NSFL1C: variants seen among roughly 807,000 people sequenced by gnomAD.
The protein encoded by NSFL1C is NSFL1 cofactor, also known as NSFL1 cofactor p47.
NSFL1C carries 14 observed loss-of-function variants against 43.1 expected under a neutral mutation model. The observed-to-expected ratio is 0.32, with a 90% CI of 0.21 to 0.51. The LOEUF (loss-of-function observed/expected upper bound fraction) is 0.51. Ranked by LOEUF, NSFL1C falls within the 20% of genes least tolerant of loss-of-function variation. The pLI, the probability that NSFL1C is intolerant of heterozygous loss-of-function variation, is 0.98. For synonymous variants in NSFL1C, 171 were observed against 183.5 expected (o/e 0.93, Z 0.55); for missense variants, 406 against 472.5 (o/e 0.86, Z 1.30).
At chr20:1,459,038 G>A (rs1157125684) in intron 2 of NSFL1C, among the ~76,000 whole-genome samples, 1 of 152,136 alleles carries the variant, frequency 6.6e-6, no homozygotes, top group Non-Finnish European at 1.5e-5. Context: ...TGTCCTCAAG[G>A]AACAAGCTTA....
intron 2 of NSFL1C, among the ~76,000 whole-genome samples, chr20:1,463,146 T>C (rs2090448398): frequency 6.6e-6 from 1 of 152,188 alleles, no homozygotes; most frequent in South Asian, 2.1e-4. Context: ...ACTGCCTTAA[T>C]AGAACTTTGG....
chr20:1,461,041 A>G (rs1955705087), intron 2 of NSFL1C, among the ~76,000 whole-genome samples: 1 of 152,168 alleles, frequency 6.6e-6, no homozygotes, highest in African/African-American at 2.4e-5. Context: ...TGACCTTTCT[A>G]AGAATTAGCA....
At chr20:1,445,853 G>A (rs749365006) in intron 7 of NSFL1C, 23 bp from the exon 8 acceptor site, 1 of 1,610,864 alleles carries the variant, frequency 6.2e-7, no homozygotes. Flanking sequence ...GATGGCATCA[G>A]AACACAAGCA....
chr20:1,461,866 G>A (rs772644997), intron 2 of NSFL1C, among the ~76,000 whole-genome samples: 1 of 152,158 alleles, frequency 6.6e-6, no homozygotes, highest in African/African-American at 2.4e-5. Context: ...TGCCTCACTC[G>A]TAAATACTCA....
At chr20:1,451,668 T>C (rs1460874620) in intron 7 of NSFL1C, among the ~76,000 whole-genome samples, 1 of 152,210 alleles carries the variant, frequency 6.6e-6, no homozygotes, top group African/African-American at 2.4e-5. Context: ...CCCATGGCCA[T>C]GGCCAAAGCT....
intron 7 of NSFL1C, among the ~76,000 whole-genome samples, chr20:1,450,205 A>G (rs1599944876): frequency 6.6e-6 from 1 of 152,220 alleles, no homozygotes; most frequent in Non-Finnish European, 1.5e-5. Context: ...AAAGTTCAAG[A>G]CTTTTGGCTT....
chr20:1,466,619 C>T (rs2090519106), intron 1 of NSFL1C, 101 bp downstream of exon 1: 17 of 1,133,760 alleles, frequency 1.5e-5, no homozygotes, highest in Non-Finnish European at 2.1e-5. Context: ...CGCGGTAGAG[C>T]GGGGATGACT....
intron 2 of NSFL1C, among the ~76,000 whole-genome samples, chr20:1,462,578 G>C (rs987650894): frequency 6.0e-5 from 9 of 151,214 alleles, no homozygotes; most frequent in African/African-American, 2.2e-4. Context: ...CTGGAGTGCA[G>C]TGGCGCAATC....
chr20:1,466,321 A>T (rs1289982178), intron 1 of NSFL1C, among the ~76,000 whole-genome samples: 1 of 152,166 alleles, frequency 6.6e-6, no homozygotes, highest in Non-Finnish European at 1.5e-5. Flanking sequence ...TGGACTTCGG[A>T]AGTGGAAATG....
intron 1 of NSFL1C, among the ~76,000 whole-genome samples, chr20:1,464,917 A>C (rs924309807): frequency 1.1e-4 from 17 of 152,196 alleles, no homozygotes; most frequent in Admixed American, 2.0e-4. Context: ...TAGTGTGCTT[A>C]GGCCCTCACT....
chr20:1,454,272 C>T lies in NSFL1C; in HGVS notation c.478G>A (p.Ala160Thr). ...FAGGGYRLGA[A>T]PEEESAYVAG... ...ACATAGGCAGACTCTTCCTCTGGTG[C>T]TGCCCCAAGGCGGTAGCCACCTCCT... The change falls in exon 5 of 9, where the codon GCA becomes ACA. Residue 160 changes from alanine to threonine, a missense_variant. This residue lies in a region of NSFL1C where 203 missense variants were observed against 216.3 expected (regional missense o/e 0.94). Coordinates refer to ENST00000216879, the MANE Select transcript of NSFL1C (RefSeq NM_016143.5). The T allele has an allele frequency of 6.2e-7, 1 of 1,612,716 alleles. No homozygotes were observed. The highest frequency in any genetic ancestry group is 8.5e-7 in the Non-Finnish European group (1 of 1,180,018).
chr20:1,454,071 T>C (rs2049576885), intron 5 of NSFL1C, 142 bp downstream of exon 5: 2 of 661,390 alleles, frequency 3.0e-6, no homozygotes, highest in Admixed American at 5.3e-5. Context: ...AGCGTCTTTG[T>C]TCGTGAACCA....
intron 3 of NSFL1C, 100 bp from the exon 4 acceptor site, chr20:1,455,232 G>T: frequency 7.5e-7 from 1 of 1,339,608 alleles, no homozygotes; most frequent in Non-Finnish European, 1.1e-6. Flanking sequence ...AGGGTACAAT[G>T]CTTGTCTTTA....
At chr20:1,461,710 G>C (rs2090415587) in intron 2 of NSFL1C, among the ~76,000 whole-genome samples, 1 of 152,134 alleles carries the variant, frequency 6.6e-6, no homozygotes, top group South Asian at 2.1e-4. Context: ...CTAGCTCTGT[G>C]ATCTTGGAAA....
intron 3 of NSFL1C, among the ~76,000 whole-genome samples, chr20:1,455,390 G>C (rs747283255): frequency 6.6e-6 from 1 of 152,206 alleles, no homozygotes; most frequent in Non-Finnish European, 1.5e-5. Context: ...GAATCTTGAG[G>C]ATAAGGATGA....
In NSFL1C at chr20:1,452,367, C is replaced by T. The variant is rs1599948358; in HGVS notation, c.785+126G>A. On this transcript the variant is annotated intron_variant, in intron 7 of 8. Coordinates refer to ENST00000216879, the MANE Select transcript of NSFL1C (RefSeq NM_016143.5). ...TGTTCTCCACACTCTTCCTCCCATA[C>T]AAATAAAATTTGAAGTATTTTGTAA... 9 of 1,276,224 alleles carry T rather than the reference C, an allele frequency of 7.1e-6. No individual in the cohort carries two copies. In the East Asian group the frequency reaches 2.1e-4, roughly 30 times the overall value. 79.1% of individuals were successfully genotyped at this position (1,276,224 alleles called of 1,614,324 possible).
At chr20:1,464,272 T>C in intron 2 of NSFL1C, 57 bp downstream of exon 2, 5 of 1,495,322 alleles carry the variant, frequency 3.3e-6, no homozygotes. Flanking sequence ...GGTCAGAAAA[T>C]AGCTCCTCTT....
chr20:1,448,297 G>T (rs1279817219), intron 7 of NSFL1C, among the ~76,000 whole-genome samples: 2 of 152,236 alleles, frequency 1.3e-5, no homozygotes, highest in African/African-American at 4.8e-5. Flanking sequence ...TTTGGCCTCT[G>T]CTCTGCCTCT....
intron 3 of NSFL1C, 28 bp downstream of exon 3, chr20:1,458,172 T>TC (rs764076893): frequency 6.3e-7 from 1 of 1,583,966 alleles, no homozygotes; most frequent in African/African-American, 1.3e-5. Context: ...CTGTGAACTG[T>TC]CCCCCTGACC....
Sources: allele counts gnomAD v4.1 joint callset (sites outside exome capture counted in the v4.1 genomes callset), GRCh38; gene constraint gnomAD v4.1.1; regional missense constraint gnomAD v4.1.1; transcripts MANE v1.5; gene names NCBI Gene and HGNC (gene_info 2026-07-23, HGNC 2026-07-21).